The following CCDC178 variants were observed in gnomAD, a reference collection of about 807,000 sequenced individuals.
CCDC178 encodes the protein coiled-coil domain containing 178, also known as coiled-coil domain-containing protein 178.
CCDC178 carries 126 observed loss-of-function variants against 117.4 expected under a neutral mutation model. That is an observed-to-expected ratio of 1.07 (90% CI 0.93 to 1.24). The LOEUF is 1.24. Ranked by LOEUF, CCDC178 falls within the 50% of genes most tolerant of loss-of-function variation. The pLI is 0.00. For synonymous variants in CCDC178, 283 were observed against 313.4 expected, an observed-to-expected ratio of 0.90 and a Z score of 1.02; for missense variants, 1,030 against 986.9, an observed-to-expected ratio of 1.04 and a Z score of -0.59.
At chr18:33,110,683 T>C (rs1050184960) in intron 20 of CCDC178, among the ~76,000 whole-genome samples, 7 of 151,688 alleles carry the variant, frequency 4.6e-5, no homozygotes, top group African/African-American at 1.4e-4. Flanking sequence ...CTTTTTACAC[T>C]GTATTTTGGT....
chr18:33,233,773 C>A (rs2144657460), intron 15 of CCDC178, among the ~76,000 whole-genome samples: 1 of 152,034 alleles, frequency 6.6e-6, no homozygotes, highest in African/African-American at 2.4e-5. Flanking sequence ...AGATGAGAAA[C>A]CTAGACTAAG....
At chr18:33,009,766 C>T (rs2055825062) in intron 21 of CCDC178, among the ~76,000 whole-genome samples, 1 of 152,118 alleles carries the variant, frequency 6.6e-6, no homozygotes. Context: ...GAGTGCTTTC[C>T]ATGAAGCAGA....
chr18:33,307,646 C>A (rs2062274740), intron 11 of CCDC178, among the ~76,000 whole-genome samples: 1 of 152,196 alleles, frequency 6.6e-6, no homozygotes, highest in African/African-American at 2.4e-5. Flanking sequence ...ACCTTCACAG[C>A]AGCCCATCTC....
intron 20 of CCDC178, among the ~76,000 whole-genome samples, chr18:33,193,718 A>G (rs1235808795): frequency 6.6e-6 from 1 of 152,228 alleles, no homozygotes; most frequent in Admixed American, 6.5e-5. Flanking sequence ...CTGTTATAGT[A>G]AACTATATTT....
intron 21 of CCDC178, among the ~76,000 whole-genome samples, chr18:33,065,294 T>G (rs1270556505): frequency 1.3e-5 from 2 of 152,158 alleles, no homozygotes; most frequent in East Asian, 3.8e-4. Flanking sequence ...GATGGTCACA[T>G]TAAATATCCT....
At chr18:33,074,893 G>A (rs1242636328) in intron 21 of CCDC178, among the ~76,000 whole-genome samples, 1 of 152,160 alleles carries the variant, frequency 6.6e-6, no homozygotes, top group Non-Finnish European at 1.5e-5. Context: ...ACTCAAAAAT[G>A]AGTTCTTGAG....
intron 22 of CCDC178, among the ~76,000 whole-genome samples, chr18:32,973,254 T>C (rs370453466): frequency 2.6e-5 from 4 of 152,116 alleles, no homozygotes; most frequent in East Asian, 3.9e-4. Flanking sequence ...TTATCATTTG[T>C]AGATTTTTAA....
intron 20 of CCDC178, among the ~76,000 whole-genome samples, chr18:33,191,288 C>A (rs1470327755): frequency 1.3e-5 from 2 of 151,968 alleles, no homozygotes; most frequent in Non-Finnish European, 2.9e-5. Flanking sequence ...TCACTGGAGA[C>A]AAGATCTTTA....
At chr18:32,960,608 A>G (rs1403117612) in intron 22 of CCDC178, among the ~76,000 whole-genome samples, 1 of 152,126 alleles carries the variant, frequency 6.6e-6, no homozygotes, top group African/African-American at 2.4e-5. Context: ...AGCAATAAAG[A>G]TAGTCCCTAA....
chr18:33,277,496 A>G (rs543644679), intron 12 of CCDC178, among the ~76,000 whole-genome samples: 24 of 152,270 alleles, frequency 1.6e-4, no homozygotes, highest in African/African-American at 5.5e-4. Flanking sequence ...CTCATTTTCT[A>G]TAAGTCAGAA....
chr18:33,086,477 G>A (rs1384115801), intron 21 of CCDC178, among the ~76,000 whole-genome samples: 3 of 150,866 alleles, frequency 2.0e-5, no homozygotes, highest in African/African-American at 7.3e-5. Context: ...GAGAGAGAGA[G>A]AGAGAATAAT....
chr18:33,158,559 T>A (rs1424807512), intron 20 of CCDC178, among the ~76,000 whole-genome samples: 1 of 152,090 alleles, frequency 6.6e-6, no homozygotes, highest in Non-Finnish European at 1.5e-5. Flanking sequence ...ATTTATATTT[T>A]AGTGCCAAAT....
At chr18:32,941,415 A>C (rs970603537) in intron 22 of CCDC178, among the ~76,000 whole-genome samples, 11 of 152,154 alleles carry the variant, frequency 7.2e-5, no homozygotes, top group African/African-American at 2.7e-4. Context: ...GTAGGGAACA[A>C]TTGAACAGGA....
At chr18:33,089,322 T>C (rs2057427395) in intron 21 of CCDC178, among the ~76,000 whole-genome samples, 1 of 152,112 alleles carries the variant, frequency 6.6e-6, no homozygotes, top group Non-Finnish European at 1.5e-5. Flanking sequence ...CTGAATTTGA[T>C]TCCCATCCCA....
chr18:33,030,648 T>G (rs1173123301), intron 21 of CCDC178, among the ~76,000 whole-genome samples: 1 of 151,532 alleles, frequency 6.6e-6, no homozygotes, highest in Non-Finnish European at 1.5e-5. Flanking sequence ...AATAGATAGA[T>G]AGATGATAGA....
At chr18:33,299,639 C>G (rs2062150445) in intron 11 of CCDC178, among the ~76,000 whole-genome samples, 1 of 151,242 alleles carries the variant, frequency 6.6e-6, no homozygotes, top group Non-Finnish European at 1.5e-5. Context: ...TAATATCAAA[C>G]TAAAAAGCTT....
In CCDC178 at chr18:33,283,672, TC is replaced by T. The variant is rs143486211; in HGVS notation, c.1176+9486del. Among the ~76,000 whole-genome samples the T allele has an allele frequency of 4.7e-3, 718 of 152,156 alleles. 4 individuals are homozygous for T. The highest frequency in any genetic ancestry group is 0.017 in the African/African-American group (687 of 41,494). On this transcript the variant is annotated intron_variant, in intron 12 of 22. Transcript: ENST00000383096. ...TGAAAAAAAAGCTCAGCATCACTGA[TC>T]ATTACAAAAATGCAAACAAAACCAC...
At chr18:33,114,056 T>C (rs1310411063) in intron 20 of CCDC178, among the ~76,000 whole-genome samples, 1 of 152,048 alleles carries the variant, frequency 6.6e-6, no homozygotes, top group African/African-American at 2.4e-5. Flanking sequence ...GCCCATGGAC[T>C]TTGGACTATC....
At chr18:33,022,262 T>G (rs796950113) in intron 21 of CCDC178, among the ~76,000 whole-genome samples, 44 of 152,206 alleles carry the variant, frequency 2.9e-4, no homozygotes, top group African/African-American at 1.1e-3. Context: ...GCTTTCTCAG[T>G]TACAGAAAGG....
Sources: gnomAD v4.1 joint callset for allele counts (sites outside exome capture counted in the v4.1 genomes callset) on GRCh38, gnomAD v4.1.1 for gene constraint, MANE v1.5 for transcripts, NCBI Gene and HGNC (gene_info 2026-07-23, HGNC 2026-07-21) for gene names.